Variants in DLGAP2 observed in about 807,000 individuals in gnomAD.
DLGAP2 encodes the protein DLG associated protein 2.
Under a neutral mutation model 100.3 loss-of-function variants are expected in DLGAP2, and 26 were observed. The ratio of observed to expected loss-of-function variants is 0.26; its 90% confidence interval spans 0.19 to 0.36. The LOEUF (loss-of-function observed/expected upper bound fraction) is 0.36. Ranked by LOEUF, DLGAP2 falls within the 10% of genes least tolerant of loss-of-function variation. The pLI is 1.00. For synonymous variants in DLGAP2, 886 were observed against 630.1 expected (o/e 1.41, Z -6.08); for missense variants, 1,858 against 1,453.2 (o/e 1.28, Z -4.53).
chr8:1,540,721 C>T (rs1409631935), intron 4 of DLGAP2, among the ~76,000 whole-genome samples: 12 of 152,218 alleles, frequency 7.9e-5, no homozygotes, highest in Non-Finnish European at 1.3e-4. Context: ...CCAGCGTGGG[C>T]GGCCGTGACC....
rs182810952 is a variant in DLGAP2 at position 950,814 on chromosome 8, T to C, written c.73+42848T>C. Among the ~76,000 whole-genome samples, 1,107 of 151,908 alleles carry C rather than the reference T, an allele frequency of 7.3e-3. 17 individuals carry two copies. Among genetic ancestry groups the C allele is most frequent in the African/African-American group, 0.025 (1,048 of 41,420 alleles). On this transcript the variant is annotated intron_variant, in intron 2 of 14. Transcript: ENST00000637795. ...TTTTTTTGTATTTTTTTAGTAGAGA[T>C]GGGGTTTCACCATATTGGCCAGGCT...
chr8:1,568,152 GC>G (rs1802483472), intron 6 of DLGAP2, among the ~76,000 whole-genome samples: 1 of 149,154 alleles, frequency 6.7e-6, no homozygotes, highest in African/African-American at 2.5e-5. Context: ...TCTGCCCGTG[GC>G]CCCCATGCCA....
At chr8:1,588,899 G>A (rs1253097411) in intron 6 of DLGAP2, among the ~76,000 whole-genome samples, 1 of 152,168 alleles carries the variant, frequency 6.6e-6, no homozygotes, top group Non-Finnish European at 1.5e-5. Flanking sequence ...TCCAACCTGG[G>A]CGACAGAGTG....
chr8:1,056,175 G>A (rs2067105331), intron 2 of DLGAP2, among the ~76,000 whole-genome samples: 3 of 152,202 alleles, frequency 2.0e-5, no homozygotes, highest in South Asian at 2.1e-4. Context: ...AAAAATACCC[G>A]TTTGTTCCTG....
At position 1,620,884 on chromosome 8, in the gene DLGAP2, C is replaced by T. The variant is rs141091232; in HGVS notation, c.1443-5856C>T. Among the ~76,000 whole-genome samples the T allele has an allele frequency of 3.6e-3, 550 of 152,254 alleles. 5 individuals carry two copies. Among genetic ancestry groups the T allele is most frequent in the African/African-American group, 0.013 (537 of 41,542 alleles). On this transcript the variant is annotated intron_variant, in intron 6 of 14. Transcript: ENST00000637795. ...TAAACATCAAGCTGTCTGGGGTGTC[C>T]CTCACAGTTTCCCACTCTGCTTCCC... is the stretch of plus-strand genomic sequence containing the variant.
At chr8:823,597 G>A (rs1796629070) in intron 1 of DLGAP2, among the ~76,000 whole-genome samples, 1 of 152,160 alleles carries the variant, frequency 6.6e-6, no homozygotes, top group Non-Finnish European at 1.5e-5. Context: ...ACCCCCAAGA[G>A]CTCTGCACAG....
chr8:783,712 C>G (rs911206893), intron 1 of DLGAP2, among the ~76,000 whole-genome samples: 3 of 152,160 alleles, frequency 2.0e-5, no homozygotes, highest in African/African-American at 7.2e-5. Flanking sequence ...CAAACTCACC[C>G]TTCCCCCTCT....
At chr8:1,124,019 A>T (rs1175350247) in intron 2 of DLGAP2, among the ~76,000 whole-genome samples, 1 of 80,306 alleles carries the variant, frequency 1.2e-5, no homozygotes, top group Non-Finnish European at 3.8e-5. Context: ...TGGTATTCTT[A>T]AAAAAAATTC....
intron 2 of DLGAP2, among the ~76,000 whole-genome samples, chr8:1,079,560 G>A (rs1803731497): frequency 6.6e-6 from 1 of 152,168 alleles, no homozygotes; most frequent in Non-Finnish European, 1.5e-5. Flanking sequence ...TCGTCATACA[G>A]CTATGCTCCC....
chr8:1,319,372 G>C (rs1243366937), intron 3 of DLGAP2, among the ~76,000 whole-genome samples: 1 of 152,208 alleles, frequency 6.6e-6, no homozygotes, highest in Admixed American at 6.5e-5. Flanking sequence ...TGTTGGGAGA[G>C]AGGCCACGTG....
rs143195419 is a variant in DLGAP2, at chr8:1,470,183, G to T, written c.107-31183G>T. Among the ~76,000 whole-genome samples, 27 of 152,092 alleles carry T rather than the reference G, an allele frequency of 1.8e-4. No homozygotes were observed. In the East Asian group the frequency reaches 5.2e-3, roughly 29 times the overall value. Reference sequence around the variant, plus strand: ...TCTCCAAAGAAAAGCCTCAGTTGTGGCTGCTGAAAGACAGGATCATGCCAG... The same window carrying T: ...TCTCCAAAGAAAAGCCTCAGTTGTGTCTGCTGAAAGACAGGATCATGCCAG... On this transcript the variant is annotated intron_variant, in intron 3 of 14. Transcript: ENST00000637795.
intron 2 of DLGAP2, among the ~76,000 whole-genome samples, chr8:1,100,217 A>G (rs1804530361): frequency 6.6e-6 from 1 of 150,548 alleles, no homozygotes; most frequent in African/African-American, 2.4e-5. Context: ...CAGCGTGTGT[A>G]GGGAAAACCT....
chr8:1,377,082 A>G (rs1199819263), intron 3 of DLGAP2, among the ~76,000 whole-genome samples: 1 of 152,218 alleles, frequency 6.6e-6, no homozygotes, highest in Non-Finnish European at 1.5e-5. Flanking sequence ...GATGCCTGCC[A>G]CTTCTGCAGG....
At position 1,440,867 on chromosome 8, in the gene DLGAP2, T is replaced by C. The variant is rs545664014; in HGVS notation, c.107-60499T>C. 2.0e-4 allele frequency among the ~76,000 whole-genome samples: 31 copies of C among 152,302 alleles called. 1 individual carries two copies. Among genetic ancestry groups the C allele is most frequent in the Admixed American group, 1.7e-3 (26 of 15,294 alleles). ...ACTCTCTGGAGTGCCCAGGGCTGTTTTAGGACATCCTAAACTGCTACTTTC... is the reference window on the plus strand; with the variant it reads ...ACTCTCTGGAGTGCCCAGGGCTGTTCTAGGACATCCTAAACTGCTACTTTC... On this transcript the variant is annotated intron_variant, in intron 3 of 14. Transcript: ENST00000637795.
intron 3 of DLGAP2, among the ~76,000 whole-genome samples, chr8:1,274,597 A>G (rs1799645476): frequency 6.6e-6 from 1 of 151,836 alleles, no homozygotes; most frequent in Non-Finnish European, 1.5e-5. Context: ...GTTTTAGAAC[A>G]TAAACCATAA....
At chr8:1,491,338 C>G (rs893642830) in intron 3 of DLGAP2, among the ~76,000 whole-genome samples, 1 of 152,190 alleles carries the variant, frequency 6.6e-6, no homozygotes, top group Non-Finnish European at 1.5e-5. Flanking sequence ...TGCTCCTGAC[C>G]CCGGAGGCTT....
chr8:1,143,262 G>A lies in DLGAP2; in HGVS notation c.74-115589G>A, dbSNP rs1407727294. Among the ~76,000 whole-genome samples, 3 of 152,188 alleles carry A rather than the reference G, an allele frequency of 2.0e-5. No homozygotes were observed. In the East Asian group the frequency reaches 5.8e-4, roughly 29 times the overall value. ...GAAAGGACAGAAAGTTCCACAAACT[G>A]ACGTGAATGACGCACTGAAACATAG... On this transcript the variant is annotated intron_variant, in intron 2 of 14. Transcript: ENST00000637795.
intron 2 of DLGAP2, among the ~76,000 whole-genome samples, chr8:1,069,802 C>T (rs1347279965): frequency 3.3e-5 from 5 of 152,158 alleles, no homozygotes; most frequent in African/African-American, 1.2e-4. Flanking sequence ...GGTGCAGCCA[C>T]AATGCGTGTC....
At chr8:1,344,115 TC>T (rs1297506895) in intron 3 of DLGAP2, among the ~76,000 whole-genome samples, 10 of 149,812 alleles carry the variant, frequency 6.7e-5, no homozygotes, top group Non-Finnish European at 5.9e-5. Flanking sequence ...GTCCATGTAT[TC>T]GGGGCCCTGT....
Sources: gnomAD v4.1 joint callset for allele counts (sites outside exome capture counted in the v4.1 genomes callset) on GRCh38, gnomAD v4.1.1 for gene constraint, MANE v1.5 for transcripts, NCBI Gene and HGNC (gene_info 2026-07-23, HGNC 2026-07-21) for gene names.